Variants in KCNIP4 observed in about 807,000 individuals in gnomAD.
KCNIP4 encodes the protein potassium voltage-gated channel interacting protein 4.
Under a neutral mutation model 34.0 loss-of-function variants are expected in KCNIP4, and 12 were observed. That is an observed-to-expected ratio of 0.35 (90% CI 0.23 to 0.57). The LOEUF (loss-of-function observed/expected upper bound fraction) is 0.57, where lower values mean the gene tolerates loss of function less well. Ranked by LOEUF, KCNIP4 falls within the 20% of genes least tolerant of loss-of-function variation. The pLI, the probability that KCNIP4 is intolerant of heterozygous loss-of-function variation, is 0.83. For synonymous variants in KCNIP4, 124 were observed against 102.2 expected (o/e 1.21, Z -1.29); for missense variants, 238 against 311.7 (o/e 0.76, Z 1.78).
intron 1 of KCNIP4, among the ~76,000 whole-genome samples, chr4:21,461,553 C>A (rs1449128741): frequency 6.6e-6 from 1 of 151,868 alleles, no homozygotes; most frequent in African/African-American, 2.4e-5. Context: ...TTGGGAAGCA[C>A]CTCCTCCAGG....
intron 1 of KCNIP4, among the ~76,000 whole-genome samples, chr4:21,236,274 T>C (rs1759352828): frequency 6.6e-6 from 1 of 152,172 alleles, no homozygotes; most frequent in Non-Finnish European, 1.5e-5. Flanking sequence ...CATATATAAA[T>C]AATATAGATG....
intron 1 of KCNIP4, among the ~76,000 whole-genome samples, chr4:21,936,177 C>T (rs1034696554): frequency 1.3e-5 from 2 of 151,946 alleles, no homozygotes; most frequent in African/African-American, 2.4e-5. Flanking sequence ...CCACCCAAAC[C>T]TCATCTTGAA....
chr4:21,786,910 G>A (rs975478383), intron 1 of KCNIP4, among the ~76,000 whole-genome samples: 20 of 151,814 alleles, frequency 1.3e-4, no homozygotes, highest in Admixed American at 1.1e-3. Context: ...TCATATGATC[G>A]AGAATAAAGG....
intron 1 of KCNIP4, among the ~76,000 whole-genome samples, chr4:21,711,472 CT>C (rs146726326): frequency 0.017 from 2,632 of 151,728 alleles, 75 homozygotes; most frequent in African/African-American, 0.052. Flanking sequence ...CAGAGCGAGA[CT>C]CCGTCTCAAA....
rs891256706 is a variant in KCNIP4, at chr4:20,949,524, C to G, written c.62-66815G>C. Reference sequence around the variant, plus strand: ...CATTACTGGGTATATACCCAAAGGACTATAAATCATGCTGCTATAAAGACA... The same window carrying G: ...CATTACTGGGTATATACCCAAAGGAGTATAAATCATGCTGCTATAAAGACA... On this transcript the variant is annotated intron_variant, in intron 1 of 8. Coordinates refer to ENST00000382152, the MANE Select transcript of KCNIP4 (RefSeq NM_025221.6). 3.3e-3 allele frequency among the ~76,000 whole-genome samples: 498 copies of G among 152,018 alleles called. 2 individuals are homozygous for G. The highest frequency in any genetic ancestry group is 0.012 in the African/African-American group (477 of 41,438).
At chr4:20,859,270 T>C (rs956398460) in intron 2 of KCNIP4, among the ~76,000 whole-genome samples, 2 of 152,150 alleles carry the variant, frequency 1.3e-5, no homozygotes, top group Non-Finnish European at 2.9e-5. Flanking sequence ...TTGGGAAAGA[T>C]GAATGTTTGT....
intron 1 of KCNIP4, among the ~76,000 whole-genome samples, chr4:21,246,464 T>TA (rs1283551715): frequency 4.6e-5 from 7 of 152,190 alleles, no homozygotes; most frequent in African/African-American, 1.4e-4. Flanking sequence ...GCAAAATACT[T>TA]ATGTGTGCTA....
chr4:20,819,376 T>C (rs940028421), intron 3 of KCNIP4, among the ~76,000 whole-genome samples: 1 of 152,024 alleles, frequency 6.6e-6, no homozygotes, highest in Non-Finnish European at 1.5e-5. Context: ...CACAGTATGA[T>C]AGGGAAATGA....
chr4:21,183,776 C>T (rs768899001), intron 1 of KCNIP4, among the ~76,000 whole-genome samples: 1 of 152,130 alleles, frequency 6.6e-6, no homozygotes, highest in African/African-American at 2.4e-5. Context: ...TTCCTCTTGC[C>T]TTGGAACTTG....
chr4:21,437,974 T>C (rs1286469870), intron 1 of KCNIP4, among the ~76,000 whole-genome samples: 1 of 152,018 alleles, frequency 6.6e-6, no homozygotes, highest in Non-Finnish European at 1.5e-5. Context: ...ATGCTCTTGT[T>C]ATTTTAGTTC....
intron 1 of KCNIP4, among the ~76,000 whole-genome samples, chr4:20,915,365 C>CA (rs780428084): frequency 5.1e-4 from 78 of 152,006 alleles, no homozygotes; most frequent in African/African-American, 1.7e-3. Context: ...TGAGTTCCAG[C>CA]AAAAAAATTA....
At chr4:21,836,914 ATT>A (rs201730191) in intron 1 of KCNIP4, among the ~76,000 whole-genome samples, 14 of 123,556 alleles carry the variant, frequency 1.1e-4, no homozygotes, top group African/African-American at 4.0e-4. Context: ...GCTGGGATAA[ATT>A]TTTTTTTTTT....
At chr4:20,761,267 G>A (rs956332430) in intron 3 of KCNIP4, among the ~76,000 whole-genome samples, 2 of 152,138 alleles carry the variant, frequency 1.3e-5, no homozygotes, top group South Asian at 4.1e-4. Context: ...GCTCCACAAA[G>A]TGTGAACCAA....
intron 1 of KCNIP4, among the ~76,000 whole-genome samples, chr4:20,947,575 C>T (rs1732317107): frequency 6.6e-6 from 1 of 152,142 alleles, no homozygotes; most frequent in Non-Finnish European, 1.5e-5. Context: ...TAGTACTTAG[C>T]CTACTTTACA....
intron 1 of KCNIP4, among the ~76,000 whole-genome samples, chr4:21,629,893 C>T (rs1351156611): frequency 1.7e-5 from 2 of 118,316 alleles, no homozygotes; most frequent in Non-Finnish European, 3.2e-5. Context: ...CTCTGTCATC[C>T]AGGCTGGAGT....
chr4:21,273,312 G>A (rs560279568), intron 1 of KCNIP4, among the ~76,000 whole-genome samples: 165 of 152,202 alleles, frequency 1.1e-3, no homozygotes, highest in African/African-American at 3.6e-3. Context: ...ATTGTTGACT[G>A]TTCTAATGGA....
chr4:21,641,166 G>A (rs1484624412), intron 1 of KCNIP4, among the ~76,000 whole-genome samples: 1 of 152,122 alleles, frequency 6.6e-6, no homozygotes, highest in African/African-American at 2.4e-5. Flanking sequence ...GGCCCAAGAG[G>A]GCCCTAAATG....
At chr4:21,917,341 T>G (rs1728688613) in intron 1 of KCNIP4, among the ~76,000 whole-genome samples, 1 of 152,072 alleles carries the variant, frequency 6.6e-6, no homozygotes, top group Admixed American at 6.6e-5. Flanking sequence ...TTCACTATGT[T>G]AGCCAGACTG....
chr4:21,312,462 T>C (rs1713289105), intron 1 of KCNIP4, among the ~76,000 whole-genome samples: 1 of 152,184 alleles, frequency 6.6e-6, no homozygotes. Context: ...AACACTGCAT[T>C]AATCTGCTCA....
Sources: gnomAD v4.1 joint callset for allele counts (sites outside exome capture counted in the v4.1 genomes callset) on GRCh38, gnomAD v4.1.1 for gene constraint, MANE v1.5 for transcripts, NCBI Gene and HGNC (gene_info 2026-07-23, HGNC 2026-07-21) for gene names.